SPATA31A1: variants seen among roughly 807,000 people sequenced by gnomAD.
SPATA31A1 encodes the protein SPATA31 subfamily A member 1.
For synonymous variants in SPATA31A1, 194 were observed against 573.4 expected (o/e 0.34, Z 9.45); for missense variants, 579 against 1,476.3 (o/e 0.39, Z 9.96).
At chr9:39,356,539 T>TTTTCA (rs1238204575) in intron 1 of SPATA31A1, among the ~76,000 whole-genome samples, 3 of 131,086 alleles carry the variant, frequency 2.3e-5, no homozygotes, top group African/African-American at 9.0e-5. Context: ...GTGTGTGTTA[T>TTTTCA]TTTCATTTTA....
chr9:39,358,771 G>T lies in SPATA31A1; in HGVS notation c.1006G>T (p.Ala336Ser). The change falls in exon 4 of 4, where the codon GCC becomes TCC. Residue 336 changes from alanine to serine, a missense_variant. Transcript: ENST00000377647. ...NAVGIQVTET[A>S]KVNIWEEKEN... Reference sequence around the variant, plus strand: ...CGTGGGGATACAAGTCACAGAAACAGCCAAGGTCAACATTTGGGAAGAAAA... The same window carrying T: ...CGTGGGGATACAAGTCACAGAAACATCCAAGGTCAACATTTGGGAAGAAAA... 1.2e-6 allele frequency: 2 copies of T among 1,601,306 alleles called. No homozygotes were observed. The highest frequency in any genetic ancestry group is 1.7e-6 in the Non-Finnish European group (2 of 1,179,768).
chr9:39,361,123 A>C lies in SPATA31A1; in HGVS notation c.3358A>C (p.Lys1120Gln). ...SEKSRKPNLE[K>Q]HEERLEGLRT... ...GAAGTCTAGGAAGCCCAACTTAGAA[A>C]AACATGAAGAAAGGCTTGAAGGATT... The change falls in exon 4 of 4, where the codon AAA (lysine) becomes CAA (glutamine). Residue 1120 changes from lysine (K) to glutamine (Q), a missense_variant. Transcript: ENST00000377647. 6.2e-7 allele frequency: 1 copy of C among 1,611,354 alleles called. No homozygotes were observed. The highest frequency in any genetic ancestry group is 8.5e-7 in the Non-Finnish European group (1 of 1,179,760).
chr9:39,360,743 G>A lies in SPATA31A1; in HGVS notation c.2978G>A (p.Arg993Lys). The A allele has an allele frequency of 6.2e-7, 1 of 1,612,090 alleles. No individual in the cohort carries two copies. The highest frequency in any genetic ancestry group is 1.1e-5 in the South Asian group (1 of 91,006). ...ACCAGCAAAAGCTCTCTACACCCTA[G>A]AGTGTCTGTCTCCCAAGATCCAAGA... ...PGTSKSSLHP[R>K]VSVSQDPRKL... Residue 993 changes from arginine to lysine, a missense_variant, in exon 4 of 4, where the codon AGA becomes AAA. Coordinates refer to ENST00000377647, the MANE Select transcript of SPATA31A1 (RefSeq NM_001085452.4).
chr9:39,361,828 C>G lies in SPATA31A1; in HGVS notation c.*19C>G. On this transcript the variant is annotated 3_prime_UTR_variant, in exon 4 of 4. Transcript: ENST00000377647. Reference sequence around the variant, plus strand: ...TATCTGATTTGGTCAGTCACAAATTCTTTTTTAGCCTTCCCTGGAGAAAAA... The same window carrying G: ...TATCTGATTTGGTCAGTCACAAATTGTTTTTTAGCCTTCCCTGGAGAAAAA... 6.2e-7 allele frequency: 1 copy of G among 1,608,706 alleles called. No homozygotes were observed. The highest frequency in any genetic ancestry group is 2.2e-5 in the East Asian group (1 of 44,876).
At position 39,361,207 on chromosome 9, in the gene SPATA31A1, G is replaced by T. The variant is rs755153681; in HGVS notation, c.3442G>T (p.Val1148Phe). ...AGAAGACACCCATCAGGATGAAGGCGTCCAGCTACTGCCATCAAAGAAACA... is the reference window on the plus strand; with the variant it reads ...AGAAGACACCCATCAGGATGAAGGCTTCCAGCTACTGCCATCAAAGAAACA... ...KTEDTHQDEGVQLLPSKKQPP... is the reference protein window; with the variant it reads ...KTEDTHQDEGFQLLPSKKQPP... The change falls in exon 4 of 4, where the codon GTC (valine) becomes TTC (phenylalanine). Residue 1148 changes from valine (V) to phenylalanine (F), a missense_variant. Coordinates refer to ENST00000377647, the MANE Select transcript of SPATA31A1 (RefSeq NM_001085452.4). 3 of 1,611,454 alleles carry T rather than the reference G, an allele frequency of 1.9e-6. No homozygotes were observed. The highest frequency in any genetic ancestry group is 1.7e-6 in the Non-Finnish European group (2 of 1,179,788).
chr9:39,358,577 G>T lies in SPATA31A1; in HGVS notation c.812G>T (p.Gly271Val). 2 of 1,591,722 alleles carry T rather than the reference G, an allele frequency of 1.3e-6. No homozygotes were observed. The highest frequency in any genetic ancestry group is 4.5e-5 in the East Asian group (2 of 44,406). The part of the protein sequence containing the change: ...VASVPAISGL[G>V]GSNSHVSASS... ...TCTGTCCCAGCCATCTCAGGCCTTG[G>T]TGGCTCAAACAGTCATGTTTCTGCC... Residue 271 changes from glycine (G) to valine (V), a missense_variant, in exon 4 of 4, where the codon GGT becomes GTT. Physicochemically the swap from Gly to Val is moderately radical, Grantham distance 109. Coordinates refer to ENST00000377647, the MANE Select transcript of SPATA31A1 (RefSeq NM_001085452.4).
Position 39,359,095 on chromosome 9 carries a change from CCTTT to C in SPATA31A1, c.1334_1337del (p.Phe445CysfsTer72), listed in dbSNP as rs1823398419. On this transcript the variant is annotated frameshift_variant, in exon 4 of 4. Transcript: ENST00000377647. LOFTEE classifies it low-confidence loss of function (END_TRUNC). ...CAGGTCTTATACTTTACAGTCTCCTCCTTTCTTGTTCAATGAAATGTCCAATGTC... is the reference window on the plus strand; with the variant it reads ...CAGGTCTTATACTTTACAGTCTCCTCCTTGTTCAATGAAATGTCCAATGTC... 6.2e-7 allele frequency: 1 copy of C among 1,610,060 alleles called. No homozygotes were observed. Among genetic ancestry groups the C allele is most frequent in the Admixed American group, 1.7e-5 (1 of 59,918 alleles).
In SPATA31A1 at chr9:39,361,256, G is replaced by C. The variant is rs1211216410; in HGVS notation, c.3491G>C (p.Gly1164Ala). 20 of 1,611,818 alleles carry C rather than the reference G, an allele frequency of 1.2e-5. No individual in the cohort carries two copies. The Admixed American group carries it at 3.3e-4, about 27-fold the overall frequency. Residue 1164 changes from glycine to alanine, a missense_variant, in exon 4 of 4, where the codon GGA becomes GCA. By Grantham distance (60) the Gly-to-Ala change is moderately conservative. Transcript: ENST00000377647. ...KKQPPSVSHFGGNIKQFFQWI... is the reference protein window; with the variant it reads ...KKQPPSVSHFAGNIKQFFQWI... ...CAGCCTCCTTCAGTAAGCCACTTTG[G>C]AGGAAACATCAAGCAATTTTTTCAG...
chr9:39,358,607 C>T lies in SPATA31A1; in HGVS notation c.842C>T (p.Ser281Phe). ...TCAAACAGTCATGTTTCTGCCTCCTCCCGGTGGCAGGAGACTGCCAGAACC... is the reference window on the plus strand; with the variant it reads ...TCAAACAGTCATGTTTCTGCCTCCTTCCGGTGGCAGGAGACTGCCAGAACC... ...GGSNSHVSAS[S>F]RWQETARTSC... Residue 281 changes from serine (S) to phenylalanine (F), a missense_variant, in exon 4 of 4, where the codon TCC becomes TTC. Transcript: ENST00000377647. The T allele has an allele frequency of 2.5e-6, 4 of 1,600,218 alleles. No individual in the cohort carries two copies. Among genetic ancestry groups the T allele is most frequent in the Non-Finnish European group, 3.4e-6 (4 of 1,179,022 alleles).
At chr9:39,357,694 C>T (rs988400710) in intron 2 of SPATA31A1, 64 bp from the exon 3 acceptor site, 1 of 1,537,532 alleles carries the variant, frequency 6.5e-7, no homozygotes, top group Non-Finnish European at 8.9e-7. Context: ...GAAACAGCCA[C>T]TCAGCCTCCT....
chr9:39,357,883 G>A (rs1823367469), intron 3 of SPATA31A1, 65 bp downstream of exon 3: 1 of 1,500,894 alleles, frequency 6.7e-7, no homozygotes. Flanking sequence ...AGGGCCACAG[G>A]CAGCCTGGAG....
At chr9:39,356,436 A>G in intron 1 of SPATA31A1, among the ~76,000 whole-genome samples, 1 of 128,936 alleles carries the variant, frequency 7.8e-6, no homozygotes, top group Non-Finnish European at 1.7e-5. Flanking sequence ...GAGCAGAGGA[A>G]CAGGGACTGA....
Position 39,361,056 on chromosome 9 carries a change from C to A in SPATA31A1, c.3291C>A (p.Cys1097Ter), listed in dbSNP as rs1823454277. The A allele has an allele frequency of 6.2e-7, 1 of 1,610,662 alleles. No individual in the cohort carries two copies. The highest frequency in any genetic ancestry group is 8.5e-7 in the Non-Finnish European group (1 of 1,179,386). ...GAAACCCAAACTGTCAAGGCTCATGCAAGAACCAAAGGCCAATGTTTCCCC... is the reference window on the plus strand; with the variant it reads ...GAAACCCAAACTGTCAAGGCTCATGAAAGAACCAAAGGCCAATGTTTCCCC... ...EPRNPNCQGSCKNQRPMFPPI... is the reference protein window; with the variant it reads ...EPRNPNCQGS Residue 1097 changes from cysteine to a stop codon, truncating the protein, a stop_gained, in exon 4 of 4, where the codon TGC becomes TGA. Transcript: ENST00000377647. LOFTEE classifies it low-confidence loss of function (END_TRUNC).
Position 39,361,792 on chromosome 9 carries a change from C to G in SPATA31A1, c.4027C>G (p.Leu1343Val). The G allele has an allele frequency of 6.2e-7, 1 of 1,610,586 alleles. No homozygotes were observed. The highest frequency in any genetic ancestry group is 2.2e-5 in the East Asian group (1 of 44,876). ...TCACCACTGTCCAAGGCACTGTCTT[C>G]TTTGGGAAGGTATCTGATTTGGTCA... The part of the protein sequence containing the change: ...HHHHCPRHCL[L>V]WEGI The change falls in exon 4 of 4, where the codon CTT becomes GTT. Residue 1343 changes from leucine (L) to valine (V), a missense_variant. Transcript: ENST00000377647.
At chr9:39,357,941 C>G in intron 3 of SPATA31A1, 123 bp downstream of exon 3, 1 of 1,595,188 alleles carries the variant, frequency 6.3e-7, no homozygotes. Context: ...GGAGTAAAAC[C>G]CTGGGGCGAG....
rs1196822035 is a variant in SPATA31A1, at chr9:39,361,046, A to C, written c.3281A>C (p.Gln1094Pro). The stretch of plus-strand genomic sequence containing the variant: ...GAGGAGCCCAGAAACCCAAACTGTC[A>C]AGGCTCATGCAAGAACCAAAGGCCA... ...VHEEPRNPNCQGSCKNQRPMF... is the reference protein window; with the variant it reads ...VHEEPRNPNCPGSCKNQRPMF... Residue 1094 changes from glutamine to proline, a missense_variant, in exon 4 of 4, where the codon CAA becomes CCA. Transcript: ENST00000377647. 1 of 1,611,188 alleles carries C rather than the reference A, an allele frequency of 6.2e-7. No homozygotes were observed. Among genetic ancestry groups the C allele is most frequent in the Admixed American group, 1.7e-5 (1 of 59,930 alleles).
intron 3 of SPATA31A1, 80 bp downstream of exon 3, chr9:39,357,898 C>A (rs1823367718): frequency 2.0e-6 from 3 of 1,516,930 alleles, no homozygotes; most frequent in African/African-American, 1.4e-5. Flanking sequence ...CTGGAGCTGA[C>A]CTGGGATGGG....
At position 39,357,569 on chromosome 9, in the gene SPATA31A1, C is replaced by T. The variant is rs901732774; in HGVS notation, c.248-189C>T. ...GGGTGGGGGGTCCGTGTGTGGAAGC[C>T]CTTTGTGAATGAAAAAGCCCTGTCC... On this transcript the variant is annotated intron_variant, in intron 2 of 3. Coordinates refer to ENST00000377647, the MANE Select transcript of SPATA31A1 (RefSeq NM_001085452.4). 608 of 942,074 alleles carry T rather than the reference C, an allele frequency of 6.5e-4. 6 individuals are homozygous for T. Among genetic ancestry groups the T allele is most frequent in the Middle Eastern group, 1.3e-3 (4 of 3,094 alleles). 58.4% of individuals were successfully genotyped at this position (942,074 alleles called of 1,614,324 possible).
rs1175582113 is a variant in SPATA31A1, at chr9:39,361,450, G to A, written c.3685G>A (p.Ala1229Thr). Residue 1229 changes from alanine (A) to threonine (T), a missense_variant, in exon 4 of 4, where the codon GCC becomes ACC. Ala to Thr is a moderately conservative substitution (Grantham distance 58). Coordinates refer to ENST00000377647, the MANE Select transcript of SPATA31A1 (RefSeq NM_001085452.4). Reference protein sequence around the residue: ...EKMSLCHARHASKVNQHKQKF... With the variant: ...EKMSLCHARHTSKVNQHKQKF... Reference sequence around the variant, plus strand: ...AATGTCACTTTGCCATGCGCGCCATGCCTCGAAGGTAAATCAGCACAAACA... The same window carrying A: ...AATGTCACTTTGCCATGCGCGCCATACCTCGAAGGTAAATCAGCACAAACA... 2 of 1,613,174 alleles carry A rather than the reference G, an allele frequency of 1.2e-6. No individual in the cohort carries two copies. The highest frequency in any genetic ancestry group is 3.3e-5 in the Admixed American group (2 of 59,958).
Sources: allele counts gnomAD v4.1 joint callset (sites outside exome capture counted in the v4.1 genomes callset), GRCh38; gene constraint gnomAD v4.1.1; transcripts MANE v1.5; gene names NCBI Gene and HGNC (gene_info 2026-07-23, HGNC 2026-07-21).